BTBD9: variants seen among roughly 807,000 people sequenced by gnomAD.
The protein encoded by BTBD9 is BTB/POZ domain-containing protein 9.
BTBD9 carries 49 observed loss-of-function variants against 64.3 expected under a neutral mutation model. That is an observed-to-expected ratio of 0.76 (90% CI 0.61 to 0.97). The LOEUF (loss-of-function observed/expected upper bound fraction) is 0.97. Ranked by LOEUF, BTBD9 falls within the 50% of genes least tolerant of loss-of-function variation. The probability of loss-of-function intolerance (pLI) is 0.00; values close to 1 mark genes in which losing one functional copy is unlikely to be tolerated. For missense variants in BTBD9, 598 were observed against 762.1 expected, an observed-to-expected ratio of 0.78 and a Z score of 2.53; for synonymous variants, 260 against 274.7, an observed-to-expected ratio of 0.95 and a Z score of 0.53.
intron 6 of BTBD9, among the ~76,000 whole-genome samples, chr6:38,488,417 G>C (rs535681196): frequency 6.6e-6 from 1 of 152,170 alleles, no homozygotes; most frequent in Admixed American, 6.5e-5. Flanking sequence ...TCCAGGTTTA[G>C]AGCTGCAAGG....
intron 1 of BTBD9, among the ~76,000 whole-genome samples, chr6:38,624,143 C>T (rs765677864): frequency 1.3e-5 from 2 of 152,160 alleles, no homozygotes; most frequent in African/African-American, 2.4e-5. Context: ...GTAAAACGCA[C>T]CAATCTGCGC....
intron 6 of BTBD9, among the ~76,000 whole-genome samples, chr6:38,470,484 C>T (rs1190709616): frequency 2.0e-5 from 3 of 152,158 alleles, no homozygotes; most frequent in African/African-American, 7.2e-5. Context: ...CCTGTCTGGA[C>T]ATAAAGGTTG....
At chr6:38,483,981 C>T (rs1299795761) in intron 6 of BTBD9, among the ~76,000 whole-genome samples, 2 of 152,192 alleles carry the variant, frequency 1.3e-5, no homozygotes, top group African/African-American at 4.8e-5. Flanking sequence ...CTCTCTCCTA[C>T]TACAATGTAA....
At chr6:38,617,406 T>C (rs1415673513) in intron 1 of BTBD9, among the ~76,000 whole-genome samples, 2 of 152,188 alleles carry the variant, frequency 1.3e-5, no homozygotes, top group Non-Finnish European at 2.9e-5. Flanking sequence ...TCTCCAAGGC[T>C]AGTCCTGCTT....
chr6:38,508,208 TA>T (rs1772625011), intron 6 of BTBD9, among the ~76,000 whole-genome samples: 1 of 152,192 alleles, frequency 6.6e-6, no homozygotes, highest in Non-Finnish European at 1.5e-5. Flanking sequence ...TTGACAACTC[TA>T]TTTAGATGTC....
intron 7 of BTBD9, among the ~76,000 whole-genome samples, chr6:38,340,480 T>C (rs951560302): frequency 3.3e-5 from 5 of 152,206 alleles, no homozygotes; most frequent in Non-Finnish European, 5.9e-5. Flanking sequence ...TTGAATATCA[T>C]TACTAATAAC....
At chr6:38,576,133 C>T (rs1397317876) in intron 6 of BTBD9, among the ~76,000 whole-genome samples, 1 of 152,074 alleles carries the variant, frequency 6.6e-6, no homozygotes, top group Non-Finnish European at 1.5e-5. Flanking sequence ...TCCTTCAGTC[C>T]ATATCAGACG....
intron 6 of BTBD9, among the ~76,000 whole-genome samples, chr6:38,537,400 G>A (rs1209289060): frequency 6.6e-6 from 1 of 152,154 alleles, no homozygotes; most frequent in Non-Finnish European, 1.5e-5. Flanking sequence ...TGGCCAGCAG[G>A]CCTTCTGATG....
intron 1 of BTBD9, among the ~76,000 whole-genome samples, chr6:38,630,321 C>T (rs553084293): frequency 1.5e-4 from 23 of 151,632 alleles, no homozygotes; most frequent in Non-Finnish European, 2.8e-4. Context: ...TTTTGTTGCT[C>T]TAAAGGGTAT....
intron 6 of BTBD9, among the ~76,000 whole-genome samples, chr6:38,562,893 C>T (rs930726006): frequency 9.2e-5 from 14 of 152,042 alleles, no homozygotes; most frequent in African/African-American, 3.4e-4. Flanking sequence ...TATACATTTC[C>T]TTCTTTAACC....
intron 8 of BTBD9, among the ~76,000 whole-genome samples, chr6:38,271,906 G>T (rs2127544389): frequency 6.8e-6 from 1 of 148,078 alleles, no homozygotes; most frequent in Middle Eastern, 3.4e-3. Context: ...AACTGCAGTG[G>T]CAATTCTTGG....
rs561960659 is a variant in BTBD9 at position 38,566,388 on chromosome 6, G to A, written c.1154+11212C>T. On this transcript the variant is annotated intron_variant, in intron 6 of 10. Coordinates refer to ENST00000481247, the MANE Select transcript of BTBD9 (RefSeq NM_001099272.2). ...CAGGTATATTCTCCACCTTTATTTC[G>A]GGCAAATATCCTGAGTTGAAATATT... Among the ~76,000 whole-genome samples the A allele has an allele frequency of 3.9e-5, 6 of 151,960 alleles. No homozygotes were observed. In the East Asian group the frequency reaches 9.7e-4, roughly 24 times the overall value.
chr6:38,237,224 G>T (rs1763808003), intron 9 of BTBD9, among the ~76,000 whole-genome samples: 2 of 152,204 alleles, frequency 1.3e-5, no homozygotes, highest in Non-Finnish European at 2.9e-5. Flanking sequence ...TTTTTGAGGT[G>T]TATGTTGTTT....
chr6:38,436,173 A>C (rs768675800), intron 6 of BTBD9, among the ~76,000 whole-genome samples: 4 of 151,902 alleles, frequency 2.6e-5, no homozygotes, highest in Non-Finnish European at 5.9e-5. Flanking sequence ...AATGAAGTTA[A>C]GAGGTAAAGA....
At chr6:38,558,698 C>T (rs761799896) in intron 6 of BTBD9, among the ~76,000 whole-genome samples, 3 of 152,152 alleles carry the variant, frequency 2.0e-5, no homozygotes, top group Non-Finnish European at 4.4e-5. Flanking sequence ...TATTGATGTG[C>T]GTATGTTGAA....
At position 38,358,748 on chromosome 6, in the gene BTBD9, A is replaced by G. The variant is rs965707370; in HGVS notation, c.1155-13655T>C. On this transcript the variant is annotated intron_variant, in intron 6 of 10. Transcript: ENST00000481247. ...AGACAGGATTTAAAGACAATAATAA[A>G]TGATTTCAATGGATTGTGACCTTTT... 4.0e-5 allele frequency among the ~76,000 whole-genome samples: 6 copies of G among 151,080 alleles called. No homozygotes were observed. In the East Asian group the frequency reaches 7.8e-4, roughly 20 times the overall value.
chr6:38,449,385 G>A (rs1175962617), intron 6 of BTBD9, among the ~76,000 whole-genome samples: 2 of 152,118 alleles, frequency 1.3e-5, no homozygotes, highest in East Asian at 3.8e-4. Flanking sequence ...CAAAGCTACA[G>A]TAACCAAAAC....
chr6:38,591,295 T>G (rs1426097538), intron 4 of BTBD9, among the ~76,000 whole-genome samples: 1 of 152,200 alleles, frequency 6.6e-6, no homozygotes, highest in Non-Finnish European at 1.5e-5. Context: ...CCTCTGTCTA[T>G]TAACCTCATG....
intron 6 of BTBD9, among the ~76,000 whole-genome samples, chr6:38,513,049 C>A (rs1196080270): frequency 6.6e-6 from 1 of 152,100 alleles, no homozygotes; most frequent in Non-Finnish European, 1.5e-5. Context: ...TCTTAGTGCC[C>A]GACCTTTACC....
Sources: allele counts gnomAD v4.1 joint callset (sites outside exome capture counted in the v4.1 genomes callset), GRCh38; gene constraint gnomAD v4.1.1; transcripts MANE v1.5; gene names NCBI Gene and HGNC (gene_info 2026-07-23, HGNC 2026-07-21).